Variants in TEKT5 observed in about 807,000 individuals in gnomAD.
TEKT5 encodes the protein tektin-5.
In TEKT5, 52 loss-of-function variants were observed where a neutral mutation model predicts 48.7. That is an observed-to-expected ratio of 1.07 (90% CI 0.86 to 1.35). The LOEUF is 1.35. TEKT5 is among the 40% of genes most tolerant of loss of function. TEKT5 has a pLI of 0.00. For missense variants in TEKT5, 831 were observed against 641.6 expected, an observed-to-expected ratio of 1.30 and a Z score of -3.19; for synonymous variants, 318 against 267.6, an observed-to-expected ratio of 1.19 and a Z score of -1.84.
chr16:10,694,656 C>A lies in TEKT5; in HGVS notation c.218G>T (p.Arg73Leu). 6.2e-7 allele frequency: 1 copy of A among 1,613,004 alleles called. No homozygotes were observed. Among genetic ancestry groups the A allele is most frequent in the South Asian group, 1.1e-5 (1 of 90,848 alleles). Reference sequence around the variant, plus strand: ...CAGTGTGGGCAGGATGGTGGGCGGCCGCAGGGTACTGGTGCTCTCGTCCGG... The same window carrying A: ...CAGTGTGGGCAGGATGGTGGGCGGCAGCAGGGTACTGGTGCTCTCGTCCGG... Reference protein sequence around the residue: ...TCPDESTSTLRPPTILPTLRS... With the variant: ...TCPDESTSTLLPPTILPTLRS... Residue 73 changes from arginine to leucine, a missense_variant, in exon 1 of 7, where the codon CGG becomes CTG. Physicochemically the swap from Arg to Leu is moderately radical, Grantham distance 102. Coordinates refer to ENST00000283025, the MANE Select transcript of TEKT5 (RefSeq NM_144674.2).
Position 10,694,323 on chromosome 16 carries a change from T to C in TEKT5, c.551A>G (p.Asn184Ser), listed in dbSNP as rs1331807793. The change falls in exon 1 of 7, where the codon AAC becomes AGC. Residue 184 changes from asparagine (N) to serine (S), a missense_variant. Coordinates refer to ENST00000283025, the MANE Select transcript of TEKT5 (RefSeq NM_144674.2). Reference sequence around the variant, plus strand: ...CCCTGTACTCACCTGCAATGGGCAGTTCACCTCATTGGCCGCGCACTCCAG... The same window carrying C: ...CCCTGTACTCACCTGCAATGGGCAGCTCACCTCATTGGCCGCGCACTCCAG... ...RRLECAANEV[N>S]CPLQVALECL... 6.3e-7 allele frequency: 1 copy of C among 1,599,716 alleles called. No individual in the cohort carries two copies. Among genetic ancestry groups the C allele is most frequent in the Non-Finnish European group, 8.5e-7 (1 of 1,172,602 alleles).
At chr16:10,657,562 C>G (rs28733142) in intron 5 of TEKT5, among the ~76,000 whole-genome samples, 1 of 151,590 alleles carries the variant, frequency 6.6e-6, no homozygotes, top group African/African-American at 2.4e-5. Context: ...CATTAAGTCA[C>G]GTTGTAGAAA....
At position 10,676,696 on chromosome 16, in the gene TEKT5, C is replaced by T. The variant is rs11647033; in HGVS notation, c.864-515G>A. 5.8e-3 allele frequency among the ~76,000 whole-genome samples: 889 copies of T among 152,314 alleles called. 5 individuals are homozygous for T. Among genetic ancestry groups the T allele is most frequent in the Middle Eastern group, 0.014 (4 of 294 alleles). ...TAACTCTGCGATGGGAATGTGGCCA[C>T]GCTACTTTCACTGCCATTCATTCAT... On this transcript the variant is annotated intron_variant, in intron 4 of 6. Coordinates refer to ENST00000283025, the MANE Select transcript of TEKT5 (RefSeq NM_144674.2).
At chr16:10,665,710 T>G (rs184360723) in intron 5 of TEKT5, among the ~76,000 whole-genome samples, 7 of 152,286 alleles carry the variant, frequency 4.6e-5, no homozygotes, top group Admixed American at 2.6e-4. Flanking sequence ...CCCCTCATGC[T>G]GGGTCCATCC....
In TEKT5 at chr16:10,627,691, C is replaced by T; in HGVS notation, c.1350G>A (p.Leu450=). 1 of 1,614,238 alleles carries T rather than the reference C, an allele frequency of 6.2e-7. No individual in the cohort carries two copies. The highest frequency in any genetic ancestry group is 1.6e-4 in the Middle Eastern group (1 of 6,062). The change falls in exon 7 of 7, where the codon CTG becomes CTA. Residue 450 remains leucine (L), a synonymous_variant. Coordinates refer to ENST00000283025, the MANE Select transcript of TEKT5 (RefSeq NM_144674.2). ...LQLLVMTKCR[L]EHELAIKANT... The stretch of plus-strand genomic sequence containing the variant: ...TGGCCTTGATGGCGAGCTCGTGCTC[C>T]AGCCGGCACTTGGTCATGACCAGCA...
At chr16:10,651,012 C>G (rs1272829976) in intron 5 of TEKT5, among the ~76,000 whole-genome samples, 1 of 152,156 alleles carries the variant, frequency 6.6e-6, no homozygotes, top group Admixed American at 6.5e-5. Flanking sequence ...GAGAGGCAGA[C>G]GGCTGCATGG....
rs766724975 is a variant in TEKT5, at chr16:10,694,894, C to T, written c.-21G>A. ...TCCATCCTCCCTCATGAGCCCCACT[C>T]GGGCAAAACTCAGCTCAAGGAGCCA... On this transcript the variant is annotated 5_prime_UTR_variant, in exon 1 of 7. Coordinates refer to ENST00000283025, the MANE Select transcript of TEKT5 (RefSeq NM_144674.2). 9.2e-6 allele frequency: 14 copies of T among 1,523,216 alleles called. No individual in the cohort carries two copies. In the East Asian group the frequency reaches 1.4e-4, roughly 15 times the overall value. The allele number at this position is 1,523,216 out of a possible 1,614,324, so 94.4% of individuals were successfully genotyped here. A position where few individuals can be genotyped will look rare whatever the true frequency, so the allele number is the denominator to read the frequency against.
intron 4 of TEKT5, among the ~76,000 whole-genome samples, chr16:10,680,757 G>A (rs1596417105): frequency 6.8e-6 from 1 of 146,706 alleles, no homozygotes; most frequent in African/African-American, 2.5e-5. Context: ...ACTATCACAA[G>A]AACAAAAAAC....
In TEKT5 at chr16:10,676,082, C is replaced by G. The variant is rs1477255299; in HGVS notation, c.963G>C (p.Glu321Asp). The change falls in exon 5 of 7, where the codon GAG (glutamate) becomes GAC (aspartate). Residue 321 changes from glutamate (E) to aspartate (D), a missense_variant. Transcript: ENST00000283025. ...ANSIQLREEA[E>D]HLFETLSDQM... ...GATCCGACAAGGTCTCAAAGAGGTG[C>G]TCCGCCTCCTCCCGCAGCTGGATGG... 5.0e-6 allele frequency: 8 copies of G among 1,614,122 alleles called. No individual in the cohort carries two copies. The highest frequency in any genetic ancestry group is 6.8e-6 in the Non-Finnish European group (8 of 1,180,056).
chr16:10,673,510 C>T (rs193226238), intron 5 of TEKT5, among the ~76,000 whole-genome samples: 29 of 152,208 alleles, frequency 1.9e-4, no homozygotes, highest in Middle Eastern at 3.4e-3. Flanking sequence ...CAGGCCAACT[C>T]GATGCCAACT....
At chr16:10,659,807 G>A (rs936607340) in intron 5 of TEKT5, among the ~76,000 whole-genome samples, 7 of 152,244 alleles carry the variant, frequency 4.6e-5, no homozygotes, top group African/African-American at 1.7e-4. Flanking sequence ...AATGGGGAAA[G>A]TTTGGGGAGG....
chr16:10,676,187 A>G lies in TEKT5; in HGVS notation c.864-6T>C, dbSNP rs1427300424. 5 of 1,614,030 alleles carry G rather than the reference A, an allele frequency of 3.1e-6. No individual in the cohort carries two copies. The highest frequency in any genetic ancestry group is 4.2e-6 in the Non-Finnish European group (5 of 1,179,940). On this transcript the variant is annotated splice_region_variant and splice_polypyrimidine_tract_variant and intron_variant, in intron 4 of 6. Coordinates refer to ENST00000283025, the MANE Select transcript of TEKT5 (RefSeq NM_144674.2). Reference sequence around the variant, plus strand: ...AGGTCTCAGGTACGGAGATCCTGCAAAGGCACAAGGGTGAGTTGCAGCAGT... The same window carrying G: ...AGGTCTCAGGTACGGAGATCCTGCAGAGGCACAAGGGTGAGTTGCAGCAGT...
chr16:10,682,420 C>T (rs952342725), intron 3 of TEKT5, among the ~76,000 whole-genome samples: 1 of 152,172 alleles, frequency 6.6e-6, no homozygotes, highest in African/African-American at 2.4e-5. Flanking sequence ...CTTGACCTCC[C>T]AGGCTCAAGC....
chr16:10,688,348 G>A (rs1281105843), intron 3 of TEKT5, among the ~76,000 whole-genome samples: 1 of 152,208 alleles, frequency 6.6e-6, no homozygotes, highest in Non-Finnish European at 1.5e-5. Context: ...ACCCCTTCGG[G>A]GGATCCAAGG....
intron 5 of TEKT5, among the ~76,000 whole-genome samples, chr16:10,637,337 G>A (rs1290646117): frequency 3.8e-5 from 5 of 132,794 alleles, no homozygotes; most frequent in East Asian, 2.3e-4. Context: ...CACCCAGCCC[G>A]CTTTAAAAAA....
chr16:10,654,661 G>T (rs146946145), intron 5 of TEKT5, among the ~76,000 whole-genome samples: 1 of 151,972 alleles, frequency 6.6e-6, no homozygotes, highest in African/African-American at 2.4e-5. Flanking sequence ...AGACTCAGAC[G>T]GAAGCTTACA....
chr16:10,651,938 G>A (rs893402388), intron 5 of TEKT5, among the ~76,000 whole-genome samples: 1 of 152,094 alleles, frequency 6.6e-6, no homozygotes, highest in African/African-American at 2.4e-5. Flanking sequence ...CTCCAGCCTG[G>A]GCAACAGAGC....
In TEKT5 at chr16:10,679,897, C is replaced by CAAATAAATAAATAAAT. The variant is rs56032112; in HGVS notation, c.863+2080_863+2095dup. Among the ~76,000 whole-genome samples the CAAATAAATAAATAAAT allele has an allele frequency of 6.1e-3, 916 of 150,396 alleles. 9 individuals carry two copies. The highest frequency in any genetic ancestry group is 0.027 in the East Asian group (135 of 5,022). On this transcript the variant is annotated intron_variant, in intron 4 of 6. Transcript: ENST00000283025. The stretch of plus-strand genomic sequence containing the variant: ...GGGCAACAAGAGCGAAACTCGGTCT[C>CAAATAAATAAATAAAT]AAATAAATAAATAAATAAATAAATA...
chr16:10,694,178 A>T, intron 1 of TEKT5, 132 bp downstream of exon 1: 1 of 775,190 alleles, frequency 1.3e-6, no homozygotes, highest in Non-Finnish European at 2.1e-6. Context: ...TGTATTACTG[A>T]TCGTATTCGA....
Sources: allele counts gnomAD v4.1 joint callset (sites outside exome capture counted in the v4.1 genomes callset), GRCh38; gene constraint gnomAD v4.1.1; transcripts MANE v1.5; gene names NCBI Gene and HGNC (gene_info 2026-07-23, HGNC 2026-07-21).